The following PAH variants were observed in gnomAD, a reference collection of about 807,000 sequenced individuals.
The protein encoded by PAH is phenylalanine hydroxylase.
PAH carries 64 observed loss-of-function variants against 62.0 expected under a neutral mutation model. The ratio of observed to expected loss-of-function variants is 1.03; its 90% CI spans 0.84 to 1.27. PAH has a LOEUF of 1.27. Among genes scored for constraint, PAH ranks in the 50% most tolerant of loss-of-function variants. The pLI is 0.00. For synonymous variants in PAH, 195 were observed against 196.2 expected (o/e 0.99, Z 0.05); for missense variants, 579 against 542.8 (o/e 1.07, Z -0.66).
intron 5 of PAH, among the ~76,000 whole-genome samples, chr12:102,866,314 C>G (rs1231948678): frequency 6.6e-6 from 1 of 152,162 alleles, no homozygotes; most frequent in Non-Finnish European, 1.5e-5. Flanking sequence ...ACTGCAGACA[C>G]CACTGCGTAA....
In PAH at chr12:102,855,210, G is replaced by T. The variant is rs281865443; in HGVS notation, c.632C>A (p.Pro211Gln). The change falls in exon 6 of 13, where the codon CCA (proline) becomes CAA (glutamine). Residue 211 changes from proline (P) to glutamine (Q), a missense_variant. Pro to Gln is a moderately conservative substitution (Grantham distance 76, BLOSUM62 -1). Coordinates refer to ENST00000553106, the MANE Select transcript of PAH (RefSeq NM_000277.3). ...GAAGCCACAGTACTTTTCAAGAAGT[G>T]GAAAAATGTGATTGTACTCATAGCA... ...HACYEYNHIF[P>Q]LLEKYCGFHE... is the part of the protein sequence containing the mutation. The T allele has an allele frequency of 3.1e-6, 5 of 1,614,110 alleles. No individual in the cohort carries two copies. The South Asian group carries it at 5.5e-5, about 18-fold the overall frequency.
At chr12:102,855,022 C>T (rs1175821631) in intron 6 of PAH, 114 bp downstream of exon 6, 1 of 871,800 alleles carries the variant, frequency 1.1e-6, no homozygotes, top group East Asian at 2.5e-5. Context: ...GCATGCATTC[C>T]TACAAGCACA....
chr12:102,888,498 A>G (rs1042924110), intron 3 of PAH, among the ~76,000 whole-genome samples: 2 of 150,142 alleles, frequency 1.3e-5, no homozygotes, highest in African/African-American at 4.9e-5. Flanking sequence ...GCCTCCTTAT[A>G]ATTTTGTAAT....
In PAH at chr12:102,843,422, G is replaced by A. The variant is rs189287704; in HGVS notation, c.1199+224C>T. On this transcript the variant is annotated intron_variant, in intron 11 of 12. Coordinates refer to ENST00000553106, the MANE Select transcript of PAH (RefSeq NM_000277.3). The stretch of plus-strand genomic sequence containing the variant: ...TTCAGTGTCTTGACTTGGTGGTTGC[G>A]TTGAACAGGGACCAGGTGGCAGGGG... Among the ~76,000 whole-genome samples the A allele has an allele frequency of 1.3e-3, 196 of 152,210 alleles. 1 individual carries two copies. Among genetic ancestry groups the A allele is most frequent in the African/African-American group, 4.1e-3 (170 of 41,534 alleles).
At chr12:102,864,957 C>A (rs555166746) in intron 5 of PAH, among the ~76,000 whole-genome samples, 1 of 152,196 alleles carries the variant, frequency 6.6e-6, no homozygotes. Context: ...AAAAGGCGAG[C>A]CCTTTACTAG....
intron 2 of PAH, among the ~76,000 whole-genome samples, chr12:102,895,550 T>C (rs1187152997): frequency 6.6e-6 from 1 of 152,050 alleles, no homozygotes; most frequent in Non-Finnish European, 1.5e-5. Context: ...TAATTACCAC[T>C]AATATATTTA....
chr12:102,849,352 G>A (rs1192891427), intron 8 of PAH, among the ~76,000 whole-genome samples: 3 of 152,310 alleles, frequency 2.0e-5, no homozygotes, highest in Admixed American at 6.5e-5. Flanking sequence ...TGTTAGAGAT[G>A]TCTTATAGAC....
chr12:102,951,447 A>G (rs1170783488), upstream of PAH, among the ~76,000 whole-genome samples: 1 of 152,218 alleles, frequency 6.6e-6, no homozygotes, highest in African/African-American at 2.4e-5. Context: ...GAATCTACAT[A>G]GCACCCTAAC....
At chr12:102,893,420 A>AAAAATT (rs145832937) in intron 3 of PAH, among the ~76,000 whole-genome samples, 15,109 of 152,008 alleles carry the variant, frequency 0.099, 933 homozygotes, top group Non-Finnish European at 0.14. Flanking sequence ...AAATAAAAAT[A>AAAAATT]AAAAATAAAA....
upstream of PAH, among the ~76,000 whole-genome samples, chr12:102,954,222 A>C (rs1230019042): frequency 2.6e-5 from 4 of 152,192 alleles, no homozygotes; most frequent in Non-Finnish European, 5.9e-5. Context: ...AAATCGGGTT[A>C]CTATCTCCAT....
At chr12:102,864,415 G>T (rs1278418497) in intron 5 of PAH, among the ~76,000 whole-genome samples, 1 of 152,178 alleles carries the variant, frequency 6.6e-6, no homozygotes, top group East Asian at 1.9e-4. Context: ...TATTGGGGCT[G>T]CTCATCCCAA....
chr12:102,869,196 C>T (rs1876196403), intron 4 of PAH, among the ~76,000 whole-genome samples: 2 of 152,150 alleles, frequency 1.3e-5, no homozygotes, highest in South Asian at 4.1e-4. Context: ...CCCCATTTGC[C>T]TTTATTGTTT....
chr12:102,921,885 T>A (rs191558417), upstream of PAH, among the ~76,000 whole-genome samples: 156 of 152,136 alleles, frequency 1.0e-3, no homozygotes, highest in African/African-American at 3.6e-3. Flanking sequence ...TATATTTTAA[T>A]TTTTTTGCTG....
At chr12:102,851,611 C>A in intron 8 of PAH, 76 bp downstream of exon 8, 1 of 1,209,394 alleles carries the variant, frequency 8.3e-7, no homozygotes, top group South Asian at 1.2e-5. Flanking sequence ...CATGAGGACC[C>A]CTCCCTGGGC....
rs1221031352 is a variant in PAH, at chr12:102,844,431, T to C, written c.970A>G (p.Ile324Val). The C allele has an allele frequency of 1.9e-6, 3 of 1,607,574 alleles. No individual in the cohort carries two copies. The highest frequency in any genetic ancestry group is 2.6e-6 in the Non-Finnish European group (3 of 1,174,430). ...CCAAACTCCACAGTAAACCAGTAAA[T>C]CTGGAATGGAAAGTCAATCTGAGAG... ...PDEYIEKLAT[I>V]YWFTVEFGLC... The change falls in exon 10 of 13, where the codon ATT becomes GTT. Residue 324 changes from isoleucine (I) to valine (V), a missense_variant and splice_region_variant. Physicochemically the swap from Ile to Val is conservative, Grantham distance 29. Transcript: ENST00000553106.
At chr12:102,921,146 A>G (rs1592992974), upstream of PAH, among the ~76,000 whole-genome samples, 2 of 152,300 alleles carry the variant, frequency 1.3e-5, no homozygotes, top group African/African-American at 4.8e-5. Flanking sequence ...CCAGCAGGCA[A>G]AAGAGTTCCT....
upstream of PAH, among the ~76,000 whole-genome samples, chr12:102,954,712 C>G (rs2136780938): frequency 6.6e-6 from 1 of 152,276 alleles, no homozygotes; most frequent in African/African-American, 2.4e-5. Flanking sequence ...CAGTCAGAGG[C>G]AGGATTCTAA....
At position 102,917,237 on chromosome 12, in the gene PAH, AAGAG is replaced by A. The variant is rs1182595676; in HGVS notation, c.-111_-108del. ...GTTTTAACCTCGCACTAGGGAGGAG[AAGAG>A]AGTTACAAAGGGTGTCTCTTGCGTG... On this transcript the variant is annotated 5_prime_UTR_variant, in exon 1 of 13. Coordinates refer to ENST00000553106, the MANE Select transcript of PAH (RefSeq NM_000277.3). The A allele has an allele frequency of 1.1e-6, 1 of 923,234 alleles. No individual in the cohort carries two copies. Among genetic ancestry groups the A allele is most frequent in the African/African-American group, 1.6e-5 (1 of 61,296 alleles). 57.2% of individuals were successfully genotyped at this position (923,234 alleles called of 1,614,324 possible).
upstream of PAH, among the ~76,000 whole-genome samples, chr12:102,920,011 G>A (rs2173442): frequency 0.4 from 61,299 of 151,772 alleles, 13,784 homozygotes; most frequent in African/African-American, 0.59. Flanking sequence ...TAGTTTTTTG[G>A]GGAACTGCCA....
Sources: gnomAD v4.1 joint callset for allele counts (sites outside exome capture counted in the v4.1 genomes callset) on GRCh38, gnomAD v4.1.1 for gene constraint, MANE v1.5 for transcripts, NCBI Gene and HGNC (gene_info 2026-07-23, HGNC 2026-07-21) for gene names.